The following ILRUN variants were observed in gnomAD, a reference collection of about 807,000 sequenced individuals.
ILRUN encodes the protein inflammation and lipid regulator with UBA-like and NBR1-like domains, also known as protein ILRUN.
In ILRUN, 3 loss-of-function variants were observed where a neutral mutation model predicts 33.8. The observed-to-expected ratio is 0.09, with a 90% confidence interval of 0.04 to 0.23. The LOEUF (loss-of-function observed/expected upper bound fraction) is 0.23. Ranked by LOEUF, ILRUN falls within the 10% of genes least tolerant of loss-of-function variation. The probability of loss-of-function intolerance (pLI) is 1.00; values close to 1 mark genes in which losing one functional copy is unlikely to be tolerated. For missense variants in ILRUN, 210 were observed against 375.1 expected (o/e 0.56, Z 3.64); for synonymous variants, 124 against 138.9 (o/e 0.89, Z 0.75).
intron 1 of ILRUN, among the ~76,000 whole-genome samples, chr6:34,693,083 A>C (rs893314717): frequency 1.3e-5 from 2 of 152,130 alleles, no homozygotes; most frequent in African/African-American, 4.8e-5. Flanking sequence ...GTCTCAAAAA[A>C]ATAAAATAAA....
chr6:34,590,242 T>A lies in ILRUN; in HGVS notation c.*323A>T, dbSNP rs1761269162. The A allele has an allele frequency of 5.1e-6, 1 of 196,914 alleles. No individual in the cohort carries two copies. The highest frequency in any genetic ancestry group is 2.3e-5 in the African/African-American group (1 of 43,268). 12.2% of individuals were successfully genotyped at this position (196,914 alleles called of 1,614,324 possible). ...ATAATTTTTGTTTAAAAAGATGGCT[T>A]TTTTTCCCCCATTTTAAACTTTTTC... On this transcript the variant is annotated 3_prime_UTR_variant, in exon 5 of 5. Coordinates refer to ENST00000374023, the MANE Select transcript of ILRUN (RefSeq NM_024294.4).
At chr6:34,652,802 A>C (rs1039954873) in intron 2 of ILRUN, among the ~76,000 whole-genome samples, 1 of 152,130 alleles carries the variant, frequency 6.6e-6, no homozygotes, top group Non-Finnish European at 1.5e-5. Context: ...AGTCAACATA[A>C]ATTGTCATTA....
intron 4 of ILRUN, among the ~76,000 whole-genome samples, chr6:34,595,496 G>A (rs1169971692): frequency 6.6e-6 from 1 of 152,146 alleles, no homozygotes; most frequent in Non-Finnish European, 1.5e-5. Flanking sequence ...ACTTAGTTCT[G>A]CCTTGCACAT....
At chr6:34,690,447 T>C (rs2127390910) in intron 1 of ILRUN, among the ~76,000 whole-genome samples, 1 of 151,824 alleles carries the variant, frequency 6.6e-6, no homozygotes, top group Middle Eastern at 3.4e-3. Context: ...GGCGACAGAG[T>C]GAAACTATGT....
chr6:34,674,397 A>C (rs1763184849), intron 1 of ILRUN, among the ~76,000 whole-genome samples: 1 of 152,220 alleles, frequency 6.6e-6, no homozygotes, highest in Non-Finnish European at 1.5e-5. Flanking sequence ...ATATATGAGA[A>C]AGCTGAGGCA....
At chr6:34,628,551 C>G (rs1005971772) in intron 3 of ILRUN, among the ~76,000 whole-genome samples, 2 of 151,906 alleles carry the variant, frequency 1.3e-5, no homozygotes, top group African/African-American at 4.8e-5. Flanking sequence ...CCAAGATGGT[C>G]TCCATCTCCT....
chr6:34,614,411 G>T (rs1761825199), intron 3 of ILRUN, among the ~76,000 whole-genome samples: 1 of 135,748 alleles, frequency 7.4e-6, no homozygotes, highest in African/African-American at 3.1e-5. Context: ...GACAGAGCAA[G>T]ACTCCATCTC....
chr6:34,685,938 C>T (rs1763506721), intron 1 of ILRUN, among the ~76,000 whole-genome samples: 1 of 151,956 alleles, frequency 6.6e-6, no homozygotes, highest in African/African-American at 2.4e-5. Context: ...CAAAATGGAC[C>T]AACAACCTAA....
chr6:34,689,390 C>T (rs1038847047), intron 1 of ILRUN, among the ~76,000 whole-genome samples: 5 of 152,048 alleles, frequency 3.3e-5, no homozygotes, highest in African/African-American at 1.2e-4. Flanking sequence ...GTTAATTTTA[C>T]ATGGTATCAA....
intron 4 of ILRUN, among the ~76,000 whole-genome samples, chr6:34,591,705 G>A (rs1324467828): frequency 6.6e-6 from 1 of 152,070 alleles, no homozygotes; most frequent in Non-Finnish European, 1.5e-5. Context: ...TAGCCAGGAT[G>A]GTCTCGATCT....
At chr6:34,635,314 G>A (rs1156494685) in intron 3 of ILRUN, among the ~76,000 whole-genome samples, 5 of 152,098 alleles carry the variant, frequency 3.3e-5, no homozygotes, top group Non-Finnish European at 7.4e-5. Context: ...TGGACTGCAT[G>A]AGTCTAGGAG....
intron 1 of ILRUN, among the ~76,000 whole-genome samples, chr6:34,675,846 G>C (rs74655984): frequency 0.023 from 3,459 of 152,164 alleles, 168 homozygotes; most frequent in East Asian, 0.21. Flanking sequence ...GATATGGAAA[G>C]ATATCCAACC....
intron 1 of ILRUN, among the ~76,000 whole-genome samples, chr6:34,694,516 C>A (rs1437880448): frequency 2.0e-5 from 3 of 152,168 alleles, no homozygotes; most frequent in Non-Finnish European, 4.4e-5. Context: ...TGTTCAATAA[C>A]CCATGTCTCT....
intron 3 of ILRUN, among the ~76,000 whole-genome samples, chr6:34,614,435 A>ATATATACATATATATAT (rs1289507613): frequency 8.1e-6 from 1 of 123,444 alleles, no homozygotes; most frequent in Non-Finnish European, 1.6e-5. Context: ...AAATAATAAA[A>ATATATACATATATATAT]AAAAAAAAAT....
chr6:34,593,441 C>T (rs574072468), intron 4 of ILRUN, among the ~76,000 whole-genome samples: 2 of 152,240 alleles, frequency 1.3e-5, no homozygotes, highest in Admixed American at 6.5e-5. Flanking sequence ...TCCCACTTAA[C>T]GGATAAATAA....
rs1199633061 is a variant in ILRUN, at chr6:34,687,712, T to TATATATATATATATATATTTATAAA, written c.158+8733_158+8734insTTTATAAATATATATATATATATAT. 4.5e-3 allele frequency among the ~76,000 whole-genome samples: 581 copies of TATATATATATATATATATTTATAAA among 129,778 alleles called. 3 individuals are homozygous for TATATATATATATATATATTTATAAA. The highest frequency in any genetic ancestry group is 0.012 in the African/African-American group (412 of 33,170). The allele number at this position is 129,778 out of a possible 152,430, so 85.1% of individuals were successfully genotyped here. On this transcript the variant is annotated intron_variant, in intron 1 of 4. Coordinates refer to ENST00000374023, the MANE Select transcript of ILRUN (RefSeq NM_024294.4). ...GACTCCATCTCCAAAAAAAAAAATA[T>TATATATATATATATATATTTATAAA]ATATATATATATATTTATAAAATAT...
At chr6:34,643,192 G>C (rs139437397) in intron 3 of ILRUN, among the ~76,000 whole-genome samples, 1 of 151,762 alleles carries the variant, frequency 6.6e-6, no homozygotes, top group African/African-American at 2.4e-5. Context: ...CCAGCTACTC[G>C]GGAGGCTGAG....
intron 2 of ILRUN, 22 bp downstream of exon 2, chr6:34,654,603 G>C (rs755947941): frequency 6.3e-7 from 1 of 1,585,114 alleles, no homozygotes; most frequent in South Asian, 1.2e-5. Context: ...AGGCAAGGGA[G>C]GATTGCCCAT....
chr6:34,598,252 C>T (rs948320008), intron 4 of ILRUN, among the ~76,000 whole-genome samples: 9 of 152,096 alleles, frequency 5.9e-5, no homozygotes, highest in Non-Finnish European at 1.3e-4. Flanking sequence ...AGTTCAAGAC[C>T]CTCAAACCTT....
Sources: gnomAD v4.1 joint callset for allele counts (sites outside exome capture counted in the v4.1 genomes callset) on GRCh38, gnomAD v4.1.1 for gene constraint, MANE v1.5 for transcripts, NCBI Gene and HGNC (gene_info 2026-07-23, HGNC 2026-07-21) for gene names.